Variants in NRXN2 observed in about 807,000 individuals in gnomAD.
NRXN2 encodes the protein neurexin 2.
In NRXN2, 29 loss-of-function variants were observed where a neutral mutation model predicts 128.8. The ratio of observed to expected loss-of-function variants is 0.23; its 90% confidence interval spans 0.17 to 0.31. The LOEUF is 0.31. Ranked by LOEUF, NRXN2 falls within the 10% of genes least tolerant of loss-of-function variation. NRXN2 has a pLI of 1.00. For synonymous variants in NRXN2, 1,098 were observed against 1,075.2 expected (o/e 1.02, Z -0.41); for missense variants, 1,881 against 2,452.6 (o/e 0.77, Z 4.92).
At position 64,632,499 on chromosome 11, in the gene NRXN2, T is replaced by A. The variant is rs1252198500; in HGVS notation, c.3586-1926A>T. 6.6e-6 allele frequency among the ~76,000 whole-genome samples: 1 copy of A among 152,162 alleles called. No homozygotes were observed. Among genetic ancestry groups the A allele is most frequent in the East Asian group, 1.9e-4 (1 of 5,192 alleles). The stretch of plus-strand genomic sequence containing the variant: ...TCCTCCTCGGTACTATTGTTAGTAA[T>A]AATACCACCCAGAATAGTATCAGCT... On this transcript the variant is annotated intron_variant, in intron 18 of 22. Transcript: ENST00000265459. This position sits in a 1 kb window ranked among gnomAD's most constrained non-coding sequence, Gnocchi z 4.2.
intron 2 of NRXN2, among the ~76,000 whole-genome samples, chr11:64,703,166 G>T (rs973625331): frequency 6.6e-6 from 1 of 152,046 alleles, no homozygotes; most frequent in African/African-American, 2.4e-5. Context: ...TTCCTGACTT[G>T]ACTGTGAAAT....
At chr11:64,719,255 T>C (rs2057374513) in intron 1 of NRXN2, among the ~76,000 whole-genome samples, 1 of 152,120 alleles carries the variant, frequency 6.6e-6, no homozygotes, top group African/African-American at 2.4e-5. Context: ...CTGCCCCTTT[T>C]ACAGATGAGG....
At chr11:64,620,435 T>G (rs1250925568) in intron 21 of NRXN2, 63 bp from the exon 22 acceptor site, 2 of 1,340,030 alleles carry the variant, frequency 1.5e-6, no homozygotes, top group African/African-American at 2.9e-5. Flanking sequence ...ATCCCACAGC[T>G]GCCACTTGAG....
Position 64,667,117 on chromosome 11 carries a change from G to A in NRXN2, c.1798+133C>T. Reference sequence around the variant, plus strand: ...AGGACAATTGGGAAGACGTGAGGGGGGTGGAGGAGAAGCGGCAGGGAAGAA... The same window carrying A: ...AGGACAATTGGGAAGACGTGAGGGGAGTGGAGGAGAAGCGGCAGGGAAGAA... On this transcript the variant is annotated intron_variant, in intron 9 of 22. Coordinates refer to ENST00000265459, the MANE Select transcript of NRXN2 (RefSeq NM_015080.4). The surrounding 1 kb of genome is among the most constrained non-coding windows in gnomAD (Gnocchi z 5.6). 1 of 891,644 alleles carries A rather than the reference G, an allele frequency of 1.1e-6. No individual in the cohort carries two copies. Among genetic ancestry groups the A allele is most frequent in the East Asian group, 2.6e-5 (1 of 37,776 alleles). 55.2% of individuals were successfully genotyped at this position (891,644 alleles called of 1,614,324 possible).
At chr11:64,647,639 C>T (rs7128467) in intron 17 of NRXN2, among the ~76,000 whole-genome samples, 39,081 of 152,046 alleles carry the variant, frequency 0.26, 5,546 homozygotes, top group East Asian at 0.48. Context: ...AAACTGCAGC[C>T]GGGATTATTG....
At chr11:64,655,825 G>A (rs1274021973) in intron 11 of NRXN2, among the ~76,000 whole-genome samples, 1 of 152,210 alleles carries the variant, frequency 6.6e-6, no homozygotes, top group Non-Finnish European at 1.5e-5. Flanking sequence ...CTGAGAGTGA[G>A]CAGGAGAAAC....
intron 5 of NRXN2, 93 bp from the exon 6 acceptor site, chr11:64,686,040 C>A: frequency 7.0e-7 from 1 of 1,431,104 alleles, no homozygotes; most frequent in East Asian, 2.4e-5. Flanking sequence ...AGGCACTGGT[C>A]CTGGGCACCA....
chr11:64,645,361 TA>T (rs1426860654), intron 17 of NRXN2, among the ~76,000 whole-genome samples: 2 of 150,192 alleles, frequency 1.3e-5, no homozygotes, highest in Non-Finnish European at 3.0e-5. Context: ...ATATAGAGGG[TA>T]AAAAAGAAGG....
intron 3 of NRXN2, 79 bp downstream of exon 3, chr11:64,697,696 G>C (rs1221859233): frequency 9.0e-6 from 14 of 1,554,620 alleles, no homozygotes; most frequent in Non-Finnish European, 1.2e-5. Flanking sequence ...GGAGTCCTTG[G>C]GTAGCCAACG....
rs757003235 is a variant in NRXN2, at chr11:64,630,607, G to A, written c.3586-34C>T. 2 of 1,612,730 alleles carry A rather than the reference G, an allele frequency of 1.2e-6. No homozygotes were observed. Among genetic ancestry groups the A allele is most frequent in the African/African-American group, 2.7e-5 (2 of 74,916 alleles). ...ATGGAGGTGGAGGTCAGCGACCAGA[G>A]GGAGCAACCATTCATCCCTTCTAGT... On this transcript the variant is annotated intron_variant, in intron 18 of 22. Transcript: ENST00000265459. The surrounding 1 kb of genome is among the most constrained non-coding windows in gnomAD (Gnocchi z 4.6).
chr11:64,690,266 G>A (rs936582308), intron 5 of NRXN2, 139 bp downstream of exon 5: 10 of 753,690 alleles, frequency 1.3e-5, no homozygotes, highest in Non-Finnish European at 2.1e-5. Context: ...GGCACTCGGG[G>A]AGCAGACCCA....
chr11:64,694,881 T>C (rs2054286425), intron 3 of NRXN2, among the ~76,000 whole-genome samples: 2 of 152,020 alleles, frequency 1.3e-5, no homozygotes, highest in Middle Eastern at 3.4e-3. Context: ...AGGTGCCCTG[T>C]GAACCCACCC....
At chr11:64,619,397 AC>A (rs575810310) in intron 22 of NRXN2, among the ~76,000 whole-genome samples, 304 of 151,132 alleles carry the variant, frequency 2.0e-3, no homozygotes, top group Middle Eastern at 6.9e-3. Context: ...GCCACCCCCA[AC>A]CTGCTCAAAT....
intron 2 of NRXN2, among the ~76,000 whole-genome samples, chr11:64,711,006 C>T (rs1311613225): frequency 6.6e-6 from 1 of 152,188 alleles, no homozygotes; most frequent in Non-Finnish European, 1.5e-5. Context: ...TAACCCACAA[C>T]CTTGTACCAA....
At chr11:64,662,100 A>AC (rs2049109203) in intron 9 of NRXN2, among the ~76,000 whole-genome samples, 1 of 151,678 alleles carries the variant, frequency 6.6e-6, no homozygotes, top group Non-Finnish European at 1.5e-5. Flanking sequence ...TAAAAAAAAA[A>AC]AAAAAAAATT....
chr11:64,706,877 C>G (rs1345410240), intron 2 of NRXN2, among the ~76,000 whole-genome samples: 1 of 152,110 alleles, frequency 6.6e-6, no homozygotes, highest in African/African-American at 2.4e-5. Context: ...CTACCATTTA[C>G]TCATCACTAA....
At chr11:64,685,045 C>A (rs1271398923) in intron 6 of NRXN2, among the ~76,000 whole-genome samples, 2 of 151,986 alleles carry the variant, frequency 1.3e-5, no homozygotes, top group Non-Finnish European at 2.9e-5. Context: ...CCCCTCTCTG[C>A]TCCTGCTCTC....
intron 22 of NRXN2, among the ~76,000 whole-genome samples, chr11:64,608,464 G>GT (rs549956940): frequency 1.7e-4 from 23 of 137,644 alleles, no homozygotes; most frequent in South Asian, 7.4e-4. Context: ...ATCTTTTAGG[G>GT]TTTTTTTTCT....
Position 64,653,734 on chromosome 11 carries a change from A to G in NRXN2, c.2390-12T>C, listed in dbSNP as rs749611178. 4 of 1,547,822 alleles carry G rather than the reference A, an allele frequency of 2.6e-6. No homozygotes were observed. The highest frequency in any genetic ancestry group is 2.3e-5 in the South Asian group (2 of 86,000). ...GACGCGCAGGCAGTCTGGGGGGGCCATGGGGCGGGCAGAGGGGAAGGGGAG... is the reference window on the plus strand; with the variant it reads ...GACGCGCAGGCAGTCTGGGGGGGCCGTGGGGCGGGCAGAGGGGAAGGGGAG... On this transcript the variant is annotated splice_polypyrimidine_tract_variant and intron_variant, in intron 11 of 22. Transcript: ENST00000265459.
Sources: gnomAD v4.1 joint callset for allele counts (sites outside exome capture counted in the v4.1 genomes callset) on GRCh38, gnomAD v4.1.1 for gene constraint, Gnocchi (gnomAD v3.1) non-coding constraint, MANE v1.5 for transcripts, NCBI Gene and HGNC (gene_info 2026-07-23, HGNC 2026-07-21) for gene names.